CELF2: variants seen among roughly 807,000 people sequenced by gnomAD.
The protein encoded by CELF2 is CUGBP Elav-like family member 2, also known as CUG triplet repeat RNA-binding protein 2.
A neutral mutation model predicts 62.6 loss-of-function variants in CELF2; 8 were observed. The ratio of observed to expected loss-of-function variants is 0.13; its 90% CI spans 0.07 to 0.23. The LOEUF (loss-of-function observed/expected upper bound fraction) is 0.23. Among genes scored for constraint, CELF2 ranks in the 10% least tolerant of loss-of-function variants. CELF2 has a pLI of 1.00. For missense variants in CELF2, 333 were observed against 671.0 expected (o/e 0.50, Z 5.56); for synonymous variants, 258 against 250.0 (o/e 1.03, Z -0.30).
intron 2 of CELF2, among the ~76,000 whole-genome samples, chr10:11,190,425 C>T (rs1344774987): frequency 2.6e-5 from 4 of 152,098 alleles, no homozygotes; most frequent in African/African-American, 9.7e-5. Context: ...TCTCCTCTTT[C>T]TTCTCTGTGT....
At chr10:11,176,592 A>T (rs536375224) in intron 2 of CELF2, among the ~76,000 whole-genome samples, 1 of 152,200 alleles carries the variant, frequency 6.6e-6, no homozygotes, top group Non-Finnish European at 1.5e-5. Context: ...TGCTTATAAA[A>T]TGTTGAATGT....
chr10:11,065,206 C>A (rs780561722), intron 1 of CELF2, among the ~76,000 whole-genome samples: 1 of 152,128 alleles, frequency 6.6e-6, no homozygotes, highest in Non-Finnish European at 1.5e-5. Flanking sequence ...CTGGTGGCCA[C>A]GAGTTTGATG....
chr10:10,744,532 AC>A, the CELF2 span, among the ~76,000 whole-genome samples: 2 of 152,224 alleles, frequency 1.3e-5, no homozygotes, highest in African/African-American at 4.8e-5. Context: ...ATTTCTAGCC[AC>A]TGTGGTTAGT....
chr10:10,894,497 G>A (rs2062396213), intron 1 of CELF2, among the ~76,000 whole-genome samples: 1 of 152,164 alleles, frequency 6.6e-6, no homozygotes, highest in African/African-American at 2.4e-5. Context: ...CAGATATATG[G>A]CAAAGTTGAA....
In CELF2 at chr10:11,177,201, A is replaced by T. The variant is rs2071516442; in HGVS notation, c.271+11519A>T. Among the ~76,000 whole-genome samples the T allele has an allele frequency of 6.6e-6, 1 of 152,228 alleles. No individual in the cohort carries two copies. The highest frequency in any genetic ancestry group is 1.5e-5 in the Non-Finnish European group (1 of 68,034). Reference sequence around the variant, plus strand: ...CACCCCTTTCTAAAAAATTCACATTACTAAGGCATCCCCTACACAGAATGT... The same window carrying T: ...CACCCCTTTCTAAAAAATTCACATTTCTAAGGCATCCCCTACACAGAATGT... On this transcript the variant is annotated intron_variant, in intron 2 of 12. Coordinates refer to ENST00000633077, the MANE Select transcript of CELF2 (RefSeq NM_001326342.2). The surrounding 1 kb of genome is among the most constrained non-coding windows in gnomAD (Gnocchi z 4.8).
chr10:11,067,444 A>G (rs2068478820), intron 1 of CELF2, among the ~76,000 whole-genome samples: 1 of 152,208 alleles, frequency 6.6e-6, no homozygotes, highest in African/African-American at 2.4e-5. Context: ...TTATTAATCC[A>G]CTGGAGCTGA....
the CELF2 span, among the ~76,000 whole-genome samples, chr10:10,647,496 A>G: frequency 6.6e-6 from 1 of 152,240 alleles, no homozygotes; most frequent in Non-Finnish European, 1.5e-5. Flanking sequence ...TTCCACAGCC[A>G]AAGGGCAGCT....
At chr10:10,854,667 A>G (rs140371448) in intron 1 of CELF2, among the ~76,000 whole-genome samples, 10 of 152,214 alleles carry the variant, frequency 6.6e-5, no homozygotes, top group Non-Finnish European at 1.2e-4. Context: ...TCTCCAGTGC[A>G]CAGCAAAACT....
At chr10:10,974,121 T>C (rs2051069759) in intron 2 of CELF2, among the ~76,000 whole-genome samples, 1 of 152,240 alleles carries the variant, frequency 6.6e-6, no homozygotes, top group African/African-American at 2.4e-5. Context: ...CTTTGTAAAC[T>C]GAGTATAGAA....
At chr10:10,782,787 G>T in the CELF2 span, among the ~76,000 whole-genome samples, 1 of 152,182 alleles carries the variant, frequency 6.6e-6, no homozygotes, top group African/African-American at 2.4e-5. Context: ...ATGTCAGCTA[G>T]GTTAGTCTGC....
chr10:10,694,261 C>T, the CELF2 span, among the ~76,000 whole-genome samples: 5 of 152,016 alleles, frequency 3.3e-5, no homozygotes, highest in East Asian at 3.9e-4. Flanking sequence ...GCCTTCATTT[C>T]GTTGTGTACC....
chr10:10,716,333 G>A, the CELF2 span, among the ~76,000 whole-genome samples: 1 of 152,210 alleles, frequency 6.6e-6, no homozygotes, highest in Non-Finnish European at 1.5e-5. Flanking sequence ...ATGAGCCCAG[G>A]AGTTCGAGAC....
chr10:11,323,068 A>G (rs2095528421), intron 11 of CELF2, among the ~76,000 whole-genome samples: 1 of 151,680 alleles, frequency 6.6e-6, no homozygotes, highest in African/African-American at 2.4e-5. Flanking sequence ...TGGGCCCTGA[A>G]ACAACATGTT....
At chr10:10,715,720 AAAAT>A in the CELF2 span, among the ~76,000 whole-genome samples, 1 of 152,198 alleles carries the variant, frequency 6.6e-6, no homozygotes, top group East Asian at 1.9e-4. Context: ...CCCAGAGACT[AAAAT>A]AACTCCTCTC....
chr10:10,984,362 A>G (rs187117516), intron 2 of CELF2, among the ~76,000 whole-genome samples: 107 of 152,328 alleles, frequency 7.0e-4, no homozygotes, highest in Middle Eastern at 3.4e-3. Flanking sequence ...AAGACTCTGA[A>G]ATAGCTATTT....
intron 1 of CELF2, among the ~76,000 whole-genome samples, chr10:11,161,377 C>T (rs751289967): frequency 8.5e-5 from 13 of 152,136 alleles, no homozygotes; most frequent in African/African-American, 1.7e-4. Context: ...GAGATGTGTG[C>T]GCATGTGTCT....
chr10:10,927,354 A>AAAAACAAAAAAC, intron 2 of CELF2: 2 of 148,338 alleles, frequency 1.3e-5, no homozygotes, highest in African/African-American at 5.2e-5. Flanking sequence ...ATTAAAAAAA[A>AAAAACAAAAAAC]AAAAAAAAAA....
chr10:10,540,706 G>A, the CELF2 span, among the ~76,000 whole-genome samples: 3 of 152,038 alleles, frequency 2.0e-5, no homozygotes, highest in African/African-American at 7.2e-5. Flanking sequence ...TCAGGGAAAG[G>A]GAGGTCCCAT....
chr10:10,595,125 C>G, the CELF2 span, among the ~76,000 whole-genome samples: 4 of 152,170 alleles, frequency 2.6e-5, no homozygotes, highest in Middle Eastern at 3.2e-3. Context: ...TAATGACCAA[C>G]TAGGTCATTA....
Sources: gnomAD v4.1 joint callset for allele counts (sites outside exome capture counted in the v4.1 genomes callset) on GRCh38, gnomAD v4.1.1 for gene constraint, Gnocchi (gnomAD v3.1) non-coding constraint, MANE v1.5 for transcripts, NCBI Gene and HGNC (gene_info 2026-07-23, HGNC 2026-07-21) for gene names.